UHRF2: variants seen among roughly 807,000 people sequenced by gnomAD.
UHRF2 encodes the protein ubiquitin like with PHD and ring finger domains 2, also known as E3 ubiquitin-protein ligase UHRF2.
In UHRF2, 23 loss-of-function variants were observed where a neutral mutation model predicts 96.8. The ratio of observed to expected loss-of-function variants is 0.24; its 90% CI spans 0.17 to 0.34. The LOEUF (loss-of-function observed/expected upper bound fraction) is 0.34. Among genes scored for constraint, UHRF2 ranks in the 10% least tolerant of loss-of-function variants. The pLI is 1.00. For missense variants in UHRF2, 685 were observed against 981.5 expected (o/e 0.70, Z 4.04); for synonymous variants, 385 against 332.6 (o/e 1.16, Z -1.72).
chr9:6,454,367 T>A (rs139710116), intron 3 of UHRF2, among the ~76,000 whole-genome samples: 43 of 152,346 alleles, frequency 2.8e-4, no homozygotes, highest in African/African-American at 9.6e-4. Context: ...GGAAAGATGA[T>A]GATTGAGGCT....
At position 6,506,885 on chromosome 9, in the gene UHRF2, T is replaced by TA. The variant is rs1816611380; in HGVS notation, c.*707dup. ...AAATGTTCATGAAAATCCACTTCTC[T>TA]ACTAGTCGAACTGCTTTTAGTGTCT... is the stretch of plus-strand genomic sequence containing the variant. On this transcript the variant is annotated 3_prime_UTR_variant, in exon 16 of 16. Coordinates refer to ENST00000276893, the MANE Select transcript of UHRF2 (RefSeq NM_152896.3). 1 of 152,666 alleles carries TA rather than the reference T, an allele frequency of 6.6e-6. No individual in the cohort carries two copies. Among genetic ancestry groups the TA allele is most frequent in the African/African-American group, 2.4e-5 (1 of 41,470 alleles). 9.5% of individuals were successfully genotyped at this position (152,666 alleles called of 1,614,324 possible). A position where few individuals can be genotyped will look rare whatever the true frequency, so the allele number is the denominator to read the frequency against.
At chr9:6,460,305 C>T (rs1489910721) in intron 3 of UHRF2, among the ~76,000 whole-genome samples, 1 of 152,146 alleles carries the variant, frequency 6.6e-6, no homozygotes, top group Non-Finnish European at 1.5e-5. Flanking sequence ...ACTTGCCTGA[C>T]AACCTGCAAG....
At position 6,433,990 on chromosome 9, in the gene UHRF2, C is replaced by G; in HGVS notation, c.461C>G (p.Ala154Gly). 6.2e-7 allele frequency: 1 copy of G among 1,614,074 alleles called. No homozygotes were observed. The highest frequency in any genetic ancestry group is 8.5e-7 in the Non-Finnish European group (1 of 1,180,024). Residue 154 changes from alanine to glycine, a missense_variant, in exon 3 of 16, where the codon GCT (alanine) becomes GGT (glycine). Ala to Gly is a moderately conservative substitution (Grantham distance 60, BLOSUM62 0). This residue lies in a region of UHRF2 where 391 missense variants were observed against 437.0 expected (regional missense o/e 0.89). Coordinates refer to ENST00000276893, the MANE Select transcript of UHRF2 (RefSeq NM_152896.3). ...GCACACATACATAGTGTTACTAGAG[C>G]TTCTGATGGACAGTCACGTGGCAAA... ...FEAHIHSVTRASDGQSRGKTP... is the reference protein window; with the variant it reads ...FEAHIHSVTRGSDGQSRGKTP...
chr9:6,492,446 A>G (rs1824716196), intron 9 of UHRF2: 2 of 821,848 alleles, frequency 2.4e-6, no homozygotes, highest in Admixed American at 5.8e-5. Context: ...CATACTAAAG[A>G]TTAAGTTTCG....
intron 9 of UHRF2, among the ~76,000 whole-genome samples, chr9:6,488,144 G>C (rs986517898): frequency 6.6e-6 from 1 of 151,440 alleles, no homozygotes; most frequent in African/African-American, 2.4e-5. Flanking sequence ...CCAGGAGGAT[G>C]AGGCAGGAGG....
intron 3 of UHRF2, among the ~76,000 whole-genome samples, chr9:6,454,849 G>A (rs1272762098): frequency 2.0e-5 from 3 of 152,142 alleles, no homozygotes; most frequent in African/African-American, 7.2e-5. Flanking sequence ...TGGCACAGTG[G>A]GTTTTTAAAC....
intron 1 of UHRF2, among the ~76,000 whole-genome samples, chr9:6,420,307 G>C (rs764672361): frequency 3.3e-5 from 5 of 151,570 alleles, no homozygotes; most frequent in African/African-American, 7.3e-5. Context: ...TGCTCTTTTC[G>C]GCCTCCCAAA....
intron 3 of UHRF2, among the ~76,000 whole-genome samples, chr9:6,458,877 C>A (rs1328275538): frequency 1.3e-5 from 2 of 152,192 alleles, no homozygotes; most frequent in Non-Finnish European, 2.9e-5. Flanking sequence ...CCATGGAATA[C>A]TATGCAGCCA....
At chr9:6,417,324 C>T (rs546756029) in intron 1 of UHRF2, among the ~76,000 whole-genome samples, 2 of 152,320 alleles carry the variant, frequency 1.3e-5, no homozygotes, top group East Asian at 1.9e-4. Context: ...AATACTGCAT[C>T]TCCATCTTCG....
chr9:6,431,025 G>T (rs1192253592), intron 2 of UHRF2, among the ~76,000 whole-genome samples: 1 of 152,012 alleles, frequency 6.6e-6, no homozygotes, highest in Non-Finnish European at 1.5e-5. Context: ...TTCTTAATTT[G>T]TACTAGATTA....
intron 3 of UHRF2, among the ~76,000 whole-genome samples, chr9:6,452,067 A>G (rs1486280954): frequency 6.6e-6 from 1 of 152,122 alleles, no homozygotes; most frequent in Non-Finnish European, 1.5e-5. Context: ...TAGAAACTAC[A>G]CATACCGTTT....
intron 8 of UHRF2, among the ~76,000 whole-genome samples, chr9:6,485,575 GT>G (rs149718620): frequency 0.024 from 3,642 of 151,310 alleles, 155 homozygotes; most frequent in African/African-American, 0.084. Flanking sequence ...TCACCTTCTT[GT>G]TGGCTTCTAA....
rs1359763406 is a variant in UHRF2, at chr9:6,422,613, ATCTTT to A, written c.384+1478_384+1482del. The A allele has an allele frequency of 1.1e-5, 7 of 627,954 alleles. No homozygotes were observed. The East Asian group carries it at 2.1e-4, about 19-fold the overall frequency. 38.9% of individuals were successfully genotyped at this position (627,954 alleles called of 1,614,324 possible). The stretch of plus-strand genomic sequence containing the variant: ...AGACTTGACTTCTCCATTAACTTAG[ATCTTT>A]TCTTTTTTTGAGACAGGGTCTGGCT... On this transcript the variant is annotated intron_variant, in intron 2 of 15. Transcript: ENST00000276893.
chr9:6,502,905 T>G (rs561497819), intron 14 of UHRF2, among the ~76,000 whole-genome samples: 1 of 152,232 alleles, frequency 6.6e-6, no homozygotes, highest in African/African-American at 2.4e-5. Flanking sequence ...TATTTGACTT[T>G]AATGATCCAT....
In UHRF2 at chr9:6,505,717, A is replaced by G. The variant is rs148845430; in HGVS notation, c.2263-316A>G. ...CCCTCTAGGGCTCTGTTTAGAAAGG[A>G]CAGGGTTGAAATCTAACCCAGAAGA... is the stretch of plus-strand genomic sequence containing the variant. On this transcript the variant is annotated intron_variant, in intron 15 of 15. Transcript: ENST00000276893. 5.0e-3 allele frequency among the ~76,000 whole-genome samples: 769 copies of G among 152,366 alleles called. 25 individuals carry two copies. The highest frequency in any genetic ancestry group is 0.047 in the Admixed American group (719 of 15,308).
At chr9:6,465,620 C>T (rs758945415) in intron 4 of UHRF2, among the ~76,000 whole-genome samples, 5 of 152,014 alleles carry the variant, frequency 3.3e-5, no homozygotes, top group Non-Finnish European at 5.9e-5. Context: ...TAATCTGTTA[C>T]GATGTTTTTT....
rs933667882 is a variant in UHRF2, at chr9:6,413,268, C to T, written c.-223C>T. 7 of 215,596 alleles carry T rather than the reference C, an allele frequency of 3.2e-5. No individual in the cohort carries two copies. Among genetic ancestry groups the T allele is most frequent in the African/African-American group, 9.3e-5 (4 of 43,058 alleles). The allele number at this position is 215,596 out of a possible 1,614,324, so 13.4% of individuals were successfully genotyped here. On this transcript the variant is annotated 5_prime_UTR_variant, in exon 1 of 16. Coordinates refer to ENST00000276893, the MANE Select transcript of UHRF2 (RefSeq NM_152896.3). ...TTTGAGGCGGTGTCTGCGGCAGCGC[C>T]TCAGAGTGGTTCCGGTCGTCTCTCC...
At chr9:6,503,382 GA>G (rs1173285109) in intron 14 of UHRF2, among the ~76,000 whole-genome samples, 1 of 150,978 alleles carries the variant, frequency 6.6e-6, no homozygotes, top group Non-Finnish European at 1.5e-5. Context: ...TTATGACTAG[GA>G]AAAAAACTAG....
At chr9:6,481,943 T>G in intron 7 of UHRF2, 49 bp from the exon 8 acceptor site, 1 of 1,595,256 alleles carries the variant, frequency 6.3e-7, no homozygotes, top group African/African-American at 1.3e-5. Context: ...AGGGCTTTCA[T>G]TAAAATTTAA....
Sources: allele counts gnomAD v4.1 joint callset (sites outside exome capture counted in the v4.1 genomes callset), GRCh38; gene constraint gnomAD v4.1.1; regional missense constraint gnomAD v4.1.1; transcripts MANE v1.5; gene names NCBI Gene and HGNC (gene_info 2026-07-23, HGNC 2026-07-21).